Variants in NEURL1 observed in about 807,000 individuals in gnomAD.
NEURL1 encodes the protein neuralized E3 ubiquitin protein ligase 1.
NEURL1 carries 26 observed loss-of-function variants against 41.2 expected under a neutral mutation model. The observed-to-expected ratio is 0.63, with a 90% confidence interval of 0.46 to 0.87. The LOEUF (loss-of-function observed/expected upper bound fraction) is 0.87, where lower values mean the gene tolerates loss of function less well. Among genes scored for constraint, NEURL1 ranks in the 40% least tolerant of loss-of-function variants. NEURL1 has a pLI of 0.00. For missense variants in NEURL1, 761 were observed against 871.1 expected, an observed-to-expected ratio of 0.87 and a Z score of 1.59; for synonymous variants, 400 against 402.3, an observed-to-expected ratio of 0.99 and a Z score of 0.07.
chr10:103,578,211 C>G (rs1302091206), intron 3 of NEURL1, among the ~76,000 whole-genome samples: 1 of 152,152 alleles, frequency 6.6e-6, no homozygotes, highest in Admixed American at 6.5e-5. Flanking sequence ...ACTTACCTCA[C>G]AGATGTGGAA....
rs906611929 is a variant in NEURL1 at position 103,558,967 on chromosome 10, C to T, written c.86-11905C>T. ...AAGCCTGAGTGTCAGAGGATGCTGG[C>T]GTACAGGGACCCGAGACATTGGCTC... is the stretch of plus-strand genomic sequence containing the variant. On this transcript the variant is annotated intron_variant, in intron 1 of 5. Transcript: ENST00000369780. The surrounding 1 kb of genome is among the most constrained non-coding windows in gnomAD (Gnocchi z 4.2). 6.6e-5 allele frequency among the ~76,000 whole-genome samples: 10 copies of T among 152,078 alleles called. No homozygotes were observed. In the East Asian group the frequency reaches 7.7e-4, roughly 12 times the overall value.
At chr10:103,541,701 G>C (rs2034823795) in intron 1 of NEURL1, among the ~76,000 whole-genome samples, 1 of 152,198 alleles carries the variant, frequency 6.6e-6, no homozygotes, top group Non-Finnish European at 1.5e-5. Context: ...GGGGATGACT[G>C]GGGTGAGGGA....
At chr10:103,583,322 G>A (rs1033181778) in intron 3 of NEURL1, among the ~76,000 whole-genome samples, 1 of 152,108 alleles carries the variant, frequency 6.6e-6, no homozygotes, top group South Asian at 2.1e-4. Flanking sequence ...CATTTTTCTG[G>A]GGAAAAGGGT....
At chr10:103,505,663 C>A (rs1290978294) in intron 1 of NEURL1, among the ~76,000 whole-genome samples, 3 of 152,222 alleles carry the variant, frequency 2.0e-5, no homozygotes, top group Non-Finnish European at 4.4e-5. Flanking sequence ...CCATGTCCAG[C>A]CAGCCAGCTC....
chr10:103,521,441 G>A (rs2034345834), intron 1 of NEURL1, among the ~76,000 whole-genome samples: 1 of 152,176 alleles, frequency 6.6e-6, no homozygotes, highest in South Asian at 2.1e-4. Flanking sequence ...TGCCAGTCCT[G>A]GGCGGGGGCA....
At chr10:103,575,210 C>T (rs145314415) in intron 3 of NEURL1, among the ~76,000 whole-genome samples, 106 of 151,986 alleles carry the variant, frequency 7.0e-4, no homozygotes, top group African/African-American at 2.5e-3. Context: ...CTTTACTGCA[C>T]CTGTATCTTT....
In NEURL1 at chr10:103,526,501, GTTTTC is replaced by G. The variant is rs569357576; in HGVS notation, c.85+32049_85+32053del. On this transcript the variant is annotated intron_variant, in intron 1 of 5. Coordinates refer to ENST00000369780, the MANE Select transcript of NEURL1 (RefSeq NM_004210.5). Reference sequence around the variant, plus strand: ...CCAGGAATTTCTCAATTTCTGCTAGGTTTTCTTTTCTTTTCTTTTCTTTTTTTTTT... The same window carrying G: ...CCAGGAATTTCTCAATTTCTGCTAGGTTTTCTTTTCTTTTCTTTTTTTTTT... Among the ~76,000 whole-genome samples, 1,479 of 151,642 alleles carry G rather than the reference GTTTTC, an allele frequency of 9.8e-3. 19 individuals carry two copies. Among genetic ancestry groups the G allele is most frequent in the African/African-American group, 0.033 (1,369 of 41,398 alleles).
chr10:103,518,246 T>C (rs2034262442), intron 1 of NEURL1, among the ~76,000 whole-genome samples: 1 of 152,134 alleles, frequency 6.6e-6, no homozygotes, highest in Non-Finnish European at 1.5e-5. Context: ...AAAAAAAGTC[T>C]ACTATATTAT....
chr10:103,529,511 G>A (rs1427580379), intron 1 of NEURL1, among the ~76,000 whole-genome samples: 1 of 152,158 alleles, frequency 6.6e-6, no homozygotes, highest in East Asian at 1.9e-4. Flanking sequence ...TTCCTTAAAG[G>A]AATCTGTTTA....
intron 1 of NEURL1, chr10:103,555,375 CGGAGATGG>C: frequency 1.5e-6 from 2 of 1,357,178 alleles, no homozygotes; most frequent in Non-Finnish European, 2.0e-6. Flanking sequence ...TGCCCGTCGC[CGGAGATGG>C]GGGGACAGAT....
At chr10:103,537,013 C>G (rs896815310) in intron 1 of NEURL1, among the ~76,000 whole-genome samples, 1 of 152,284 alleles carries the variant, frequency 6.6e-6, no homozygotes, top group South Asian at 2.1e-4. Flanking sequence ...TGGAATCATA[C>G]AGTATTTGGT....
At chr10:103,500,479 C>T (rs2033798341) in intron 1 of NEURL1, among the ~76,000 whole-genome samples, 1 of 152,218 alleles carries the variant, frequency 6.6e-6, no homozygotes, top group South Asian at 2.1e-4. Flanking sequence ...TATCCTGCCC[C>T]TGTAGCATTT....
intron 4 of NEURL1, chr10:103,589,010 A>G (rs61606504): frequency 0.32 from 138,920 of 429,464 alleles, 23,287 homozygotes; most frequent in East Asian, 0.43. Context: ...GAGAGAATCT[A>G]TGATCAGAAC....
At chr10:103,579,370 T>G (rs1036501189) in intron 3 of NEURL1, among the ~76,000 whole-genome samples, 2 of 152,056 alleles carry the variant, frequency 1.3e-5, no homozygotes, top group African/African-American at 4.8e-5. Flanking sequence ...CCTAAAGGGG[T>G]TATTTACTGT....
At chr10:103,520,996 G>T (rs530275255) in intron 1 of NEURL1, among the ~76,000 whole-genome samples, 1 of 152,324 alleles carries the variant, frequency 6.6e-6, no homozygotes, top group Non-Finnish European at 1.5e-5. Context: ...GAGGACCCAG[G>T]ACATCCAATT....
intron 1 of NEURL1, among the ~76,000 whole-genome samples, chr10:103,543,814 A>G (rs1443981023): frequency 6.6e-6 from 1 of 151,532 alleles, no homozygotes; most frequent in Non-Finnish European, 1.5e-5. Context: ...AGTGCCAGGG[A>G]GGGGCACTCC....
intron 3 of NEURL1, among the ~76,000 whole-genome samples, chr10:103,579,658 C>T (rs776513274): frequency 3.3e-5 from 5 of 152,132 alleles, no homozygotes; most frequent in African/African-American, 7.2e-5. Context: ...TTCCTGACTT[C>T]GGGGCAGGCA....
chr10:103,527,091 A>G (rs942852218), intron 1 of NEURL1, among the ~76,000 whole-genome samples: 5 of 152,106 alleles, frequency 3.3e-5, no homozygotes, highest in African/African-American at 1.2e-4. Context: ...TTTTCCAGGA[A>G]AGGGGCAGAC....
At chr10:103,513,959 C>T (rs2034136332) in intron 1 of NEURL1, among the ~76,000 whole-genome samples, 1 of 152,006 alleles carries the variant, frequency 6.6e-6, no homozygotes, top group African/African-American at 2.4e-5. Flanking sequence ...TGGATCCGGC[C>T]CTGACCCCGC....
Sources: allele counts gnomAD v4.1 joint callset (sites outside exome capture counted in the v4.1 genomes callset), GRCh38; gene constraint gnomAD v4.1.1; non-coding constraint Gnocchi (gnomAD v3.1); transcripts MANE v1.5; gene names NCBI Gene and HGNC (gene_info 2026-07-23, HGNC 2026-07-21).